ERC2: variants seen among roughly 807,000 people sequenced by gnomAD.
ERC2 encodes the protein ERC protein 2.
A neutral mutation model predicts 114.8 loss-of-function variants in ERC2; 42 were observed. The ratio of observed to expected loss-of-function variants is 0.37; its 90% CI spans 0.29 to 0.47. The LOEUF is 0.47. ERC2 is among the 20% of genes least tolerant of loss of function. The pLI is 0.99. For synonymous variants in ERC2, 454 were observed against 425.5 expected (o/e 1.07, Z -0.82); for missense variants, 939 against 1,150.7 (o/e 0.82, Z 2.66).
At chr3:56,381,253 A>AAGGCATTAAAGGCATTAAT (rs1369051436) in intron 2 of ERC2, among the ~76,000 whole-genome samples, 1 of 152,180 alleles carries the variant, frequency 6.6e-6, no homozygotes, top group Non-Finnish European at 1.5e-5. Flanking sequence ...AATGCCTTTA[A>AAGGCATTAAAGGCATTAAT]GCCCATCCCA....
chr3:56,270,795 C>T (rs2053608585), intron 3 of ERC2, among the ~76,000 whole-genome samples: 1 of 152,080 alleles, frequency 6.6e-6, no homozygotes, highest in African/African-American at 2.4e-5. Context: ...CTGTCTAACA[C>T]AGTGAAACCC....
intron 4 of ERC2, among the ~76,000 whole-genome samples, chr3:56,157,518 G>C (rs1431601512): frequency 6.6e-6 from 1 of 152,146 alleles, no homozygotes; most frequent in Non-Finnish European, 1.5e-5. Flanking sequence ...CACAGTGAAT[G>C]CATTTTAGGG....
chr3:56,336,445 G>A (rs1243006888), intron 2 of ERC2, among the ~76,000 whole-genome samples: 2 of 152,142 alleles, frequency 1.3e-5, no homozygotes, highest in Non-Finnish European at 2.9e-5. Context: ...CTGCTATCAT[G>A]ACGATGAATG....
Position 56,080,953 on chromosome 3 carries a change from T to C in ERC2, c.1505A>G (p.Lys502Arg). 6.2e-7 allele frequency: 1 copy of C among 1,613,374 alleles called. No individual in the cohort carries two copies. The highest frequency in any genetic ancestry group is 1.7e-5 in the Admixed American group (1 of 59,950). ...VDALRLRLEE[K>R]ESFLNKKTKQ... ...TGTTTTTTTATTGAGGAAAGATTCTTTTTCTTCCAGTCGTAATCTCAGCGC... is the reference window on the plus strand; with the variant it reads ...TGTTTTTTTATTGAGGAAAGATTCTCTTTCTTCCAGTCGTAATCTCAGCGC... The change falls in exon 7 of 18, where the codon AAA becomes AGA. Residue 502 changes from lysine (K) to arginine (R), a missense_variant. Lys to Arg is a conservative substitution (Grantham distance 26). Around this residue, in one of 5 missense-constraint regions of ERC2, gnomAD observed 149 missense variants for 254.6 expected, o/e 0.59. Coordinates refer to ENST00000288221, the MANE Select transcript of ERC2 (RefSeq NM_015576.3).
At chr3:55,762,573 T>C (rs1190029766) in intron 14 of ERC2, among the ~76,000 whole-genome samples, 1 of 152,142 alleles carries the variant, frequency 6.6e-6, no homozygotes, top group Non-Finnish European at 1.5e-5. Context: ...TAATACATAT[T>C]GTAAGCTAGT....
chr3:56,032,957 A>AAGAAAG (rs1470573794), intron 7 of ERC2, among the ~76,000 whole-genome samples: 13 of 48,386 alleles, frequency 2.7e-4, no homozygotes, highest in African/African-American at 8.1e-4. Flanking sequence ...GAAAGAAAGA[A>AAGAAAG]ACAGAAAGAA....
chr3:56,335,103 C>G (rs548689343), intron 2 of ERC2, among the ~76,000 whole-genome samples: 4 of 152,296 alleles, frequency 2.6e-5, no homozygotes, highest in African/African-American at 7.2e-5. Flanking sequence ...CTGCACCCAG[C>G]CTAAAATGCT....
At chr3:55,733,149 G>C (rs1166088748) in intron 15 of ERC2, among the ~76,000 whole-genome samples, 1 of 152,202 alleles carries the variant, frequency 6.6e-6, no homozygotes, top group Non-Finnish European at 1.5e-5. Flanking sequence ...TTAGGTGCAG[G>C]AGAGGAGGGT....
intron 17 of ERC2, among the ~76,000 whole-genome samples, chr3:55,641,549 C>CA (rs57407975): frequency 0.028 from 780 of 28,360 alleles, 152 homozygotes; most frequent in Middle Eastern, 0.045. Flanking sequence ...GATTCTATCT[C>CA]AAAAAAAAAA....
intron 17 of ERC2, among the ~76,000 whole-genome samples, chr3:55,564,665 C>T (rs968622957): frequency 6.6e-6 from 1 of 152,238 alleles, no homozygotes; most frequent in Non-Finnish European, 1.5e-5. Flanking sequence ...GTATAGCCAT[C>T]TGTCTAAATT....
Position 56,090,787 on chromosome 3 carries a change from C to A in ERC2, c.1474-9803G>T, listed in dbSNP as rs2077746150. On this transcript the variant is annotated intron_variant, in intron 6 of 17. Coordinates refer to ENST00000288221, the MANE Select transcript of ERC2 (RefSeq NM_015576.3). ...GGTGATTTTTCAATGCTCCCTGGCT[C>A]CCCCTACCCTTCCTCTTTTTTTTAT... Among the ~76,000 whole-genome samples, 3 of 73,548 alleles carry A rather than the reference C, an allele frequency of 4.1e-5. No homozygotes were observed. In the South Asian group the frequency reaches 2.2e-3, roughly 53 times the overall value. The allele number at this position is 73,548 out of a possible 152,430, so 48.3% of individuals were successfully genotyped here.
intron 10 of ERC2, among the ~76,000 whole-genome samples, chr3:55,993,421 G>A (rs188513911): frequency 6.6e-6 from 1 of 152,130 alleles, no homozygotes; most frequent in East Asian, 1.9e-4. Context: ...GCTACTGTGG[G>A]ATTGAATGAA....
intron 17 of ERC2, among the ~76,000 whole-genome samples, chr3:55,587,310 T>A (rs1284291385): frequency 6.6e-6 from 1 of 152,200 alleles, no homozygotes; most frequent in Non-Finnish European, 1.5e-5. Context: ...CACATCACCA[T>A]GCTTGGCTAA....
intron 17 of ERC2, among the ~76,000 whole-genome samples, chr3:55,529,335 T>C (rs1047749428): frequency 6.6e-6 from 1 of 152,236 alleles, no homozygotes; most frequent in African/African-American, 2.4e-5. Context: ...GGATTGACTA[T>C]GGAGCACAGT....
chr3:56,207,845 T>C (rs1413997843), intron 3 of ERC2, among the ~76,000 whole-genome samples: 2 of 152,176 alleles, frequency 1.3e-5, no homozygotes, highest in Non-Finnish European at 2.9e-5. Flanking sequence ...TGGCTAGGCA[T>C]TGAAGTTTGA....
At chr3:56,284,167 A>G (rs1000704664) in intron 3 of ERC2, among the ~76,000 whole-genome samples, 5 of 152,238 alleles carry the variant, frequency 3.3e-5, no homozygotes, top group South Asian at 2.1e-4. Context: ...GTGTAGGTGA[A>G]CAAAATCATA....
chr3:56,154,651 G>A (rs866447888), intron 4 of ERC2, among the ~76,000 whole-genome samples: 45 of 152,230 alleles, frequency 3.0e-4, no homozygotes, highest in Non-Finnish European at 5.9e-4. Context: ...AAGAAAAAGA[G>A]CTAAATCTAA....
At chr3:55,854,190 G>A (rs1242758486) in intron 14 of ERC2, among the ~76,000 whole-genome samples, 8 of 152,072 alleles carry the variant, frequency 5.3e-5, no homozygotes, top group Middle Eastern at 6.3e-3. Context: ...CACGAGAATC[G>A]CTTGAATCCG....
At chr3:55,751,316 C>A (rs148204071) in intron 14 of ERC2, among the ~76,000 whole-genome samples, 17 of 152,236 alleles carry the variant, frequency 1.1e-4, no homozygotes, top group East Asian at 9.7e-4. Context: ...CACAAATAGG[C>A]CCCATCAGAC....
Sources: gnomAD v4.1 joint callset for allele counts (sites outside exome capture counted in the v4.1 genomes callset) on GRCh38, gnomAD v4.1.1 for gene constraint, gnomAD v4.1.1 regional missense constraint, MANE v1.5 for transcripts, NCBI Gene and HGNC (gene_info 2026-07-23, HGNC 2026-07-21) for gene names.